Variants in CCDC83 observed in about 807,000 individuals in gnomAD.
The protein encoded by CCDC83 is coiled-coil domain containing 83, also known as coiled-coil domain-containing protein 83.
In CCDC83, 54 loss-of-function variants were observed where a neutral mutation model predicts 50.1. That is an observed-to-expected ratio of 1.08 (90% CI 0.87 to 1.35). The LOEUF is 1.35. Among genes scored for constraint, CCDC83 ranks in the 40% most tolerant of loss-of-function variants. The probability of loss-of-function intolerance (pLI) is 0.00; values close to 1 mark genes in which losing one functional copy is unlikely to be tolerated. For missense variants in CCDC83, 518 were observed against 473.9 expected, an observed-to-expected ratio of 1.09 and a Z score of -0.86; for synonymous variants, 161 against 153.3, an observed-to-expected ratio of 1.05 and a Z score of -0.37.
intron 5 of CCDC83, among the ~76,000 whole-genome samples, chr11:85,888,111 CAT>C (rs59238283): frequency 0.021 from 3,141 of 152,270 alleles, 100 homozygotes; most frequent in African/African-American, 0.07. Context: ...TATCCTTACA[CAT>C]GTCTCATTTT....
intron 3 of CCDC83, among the ~76,000 whole-genome samples, chr11:85,877,474 AAT>A (rs1566075156): frequency 6.6e-6 from 1 of 152,222 alleles, no homozygotes; most frequent in Non-Finnish European, 1.5e-5. Flanking sequence ...CTGTCTCTAA[AAT>A]GGTAAAAATT....
intron 8 of CCDC83, among the ~76,000 whole-genome samples, chr11:85,913,413 CT>C (rs2093463891): frequency 1.3e-5 from 2 of 152,200 alleles, no homozygotes; most frequent in Admixed American, 1.3e-4. Flanking sequence ...ATCTGCTAGA[CT>C]TCTTATGCAG....
chr11:85,905,514 G>A (rs1174929369), intron 7 of CCDC83, among the ~76,000 whole-genome samples: 2 of 151,708 alleles, frequency 1.3e-5, no homozygotes, highest in East Asian at 3.9e-4. Context: ...GGAGGCTGAG[G>A]TAGGAGAATT....
intron 3 of CCDC83, among the ~76,000 whole-genome samples, chr11:85,881,603 G>A (rs1201178317): frequency 2.6e-5 from 4 of 151,952 alleles, no homozygotes; most frequent in Non-Finnish European, 4.4e-5. Context: ...ATTTTTTGTA[G>A]AGACAGGGTA....
chr11:85,906,045 C>T (rs1290314131), intron 7 of CCDC83, among the ~76,000 whole-genome samples: 1 of 150,618 alleles, frequency 6.6e-6, no homozygotes, highest in Admixed American at 6.6e-5. Context: ...AAAGTATGAT[C>T]CTAATCAAAT....
chr11:85,896,418 A>C (rs889664724), intron 6 of CCDC83, among the ~76,000 whole-genome samples: 3 of 150,262 alleles, frequency 2.0e-5, no homozygotes, highest in Non-Finnish European at 2.9e-5. Context: ...AAAAAAAAAA[A>C]AAAAAAAAAC....
intron 3 of CCDC83, among the ~76,000 whole-genome samples, chr11:85,876,979 G>A (rs2093273031): frequency 1.3e-5 from 2 of 151,960 alleles, no homozygotes. Flanking sequence ...CACTTTGTAG[G>A]ATAAACATAT....
intron 7 of CCDC83, among the ~76,000 whole-genome samples, chr11:85,901,471 G>A (rs1284373630): frequency 6.6e-6 from 1 of 151,938 alleles, no homozygotes; most frequent in Non-Finnish European, 1.5e-5. Flanking sequence ...TACCCAGGAG[G>A]CTGAAGTGGG....
intron 8 of CCDC83, chr11:85,912,806 A>G (rs2093461177): frequency 2.1e-6 from 2 of 965,766 alleles, no homozygotes; most frequent in East Asian, 4.8e-5. Flanking sequence ...TGAACTGGCT[A>G]ATCTTTAGGA....
chr11:85,902,131 A>G (rs1468072440), intron 7 of CCDC83, among the ~76,000 whole-genome samples: 3 of 151,714 alleles, frequency 2.0e-5, no homozygotes, highest in Non-Finnish European at 2.9e-5. Context: ...TTTTCAGAAC[A>G]CCAAGAACAA....
At chr11:85,892,770 T>C (rs564864109) in intron 5 of CCDC83, among the ~76,000 whole-genome samples, 2 of 152,130 alleles carry the variant, frequency 1.3e-5, no homozygotes, top group Admixed American at 1.3e-4. Context: ...CTAGGGTAAA[T>C]TGAAAAAAGA....
At chr11:85,857,440 T>C (rs1366073126) in intron 1 of CCDC83, among the ~76,000 whole-genome samples, 1 of 152,142 alleles carries the variant, frequency 6.6e-6, no homozygotes. Flanking sequence ...GACATTATAC[T>C]TCAAAGACGG....
Position 85,888,694 on chromosome 11 carries a change from T to G in CCDC83, c.511+2327T>G, listed in dbSNP as rs191455064. ...CTCCAATATTTTATTCTAAAATTTT[T>G]ATGGTTTTGTTTTTATATTTAAGTC... On this transcript the variant is annotated intron_variant, in intron 5 of 10. Coordinates refer to ENST00000342404, the MANE Select transcript of CCDC83 (RefSeq NM_001286159.2). Among the ~76,000 whole-genome samples the G allele has an allele frequency of 1.1e-3, 175 of 152,332 alleles. 1 individual carries two copies. In the East Asian group the frequency reaches 0.02, roughly 17 times the overall value.
At position 85,898,903 on chromosome 11, in the gene CCDC83, T is replaced by A. The variant is rs1048058333; in HGVS notation, c.604-44T>A. On this transcript the variant is annotated intron_variant, in intron 6 of 10. Transcript: ENST00000342404. ...ACATCACTATTGCTAAAATTGTGAA[T>A]CAGCATGTGGCAACTCTTCCTTAAT... 5 of 1,306,644 alleles carry A rather than the reference T, an allele frequency of 3.8e-6. No individual in the cohort carries two copies. In the African/African-American group the frequency reaches 5.8e-5, roughly 15 times the overall value. The allele number at this position is 1,306,644 out of a possible 1,614,324, so 80.9% of individuals were successfully genotyped here. A position where few individuals can be genotyped will look rare whatever the true frequency, so the allele number is the denominator to read the frequency against.
At chr11:85,858,840 G>A (rs1045626539) in intron 1 of CCDC83, among the ~76,000 whole-genome samples, 1 of 152,162 alleles carries the variant, frequency 6.6e-6, no homozygotes, top group African/African-American at 2.4e-5. Flanking sequence ...AGGAACTGTT[G>A]TTTGAATTTT....
In CCDC83 at chr11:85,911,386, G is replaced by T; in HGVS notation, c.778G>T (p.Asp260Tyr). Reference sequence around the variant, plus strand: ...TCAACTATCCAACTGTAGACTTGTGGATCTCAAGATACCCAGGTGAAAATT... The same window carrying T: ...TCAACTATCCAACTGTAGACTTGTGTATCTCAAGATACCCAGGTGAAAATT... ...IDQLSNCRLV[D>Y]LKIPRRLYLT... Residue 260 changes from aspartate to tyrosine, a missense_variant, in exon 8 of 11, where the codon GAT becomes TAT. Asp to Tyr is a radical substitution (Grantham distance 160). Transcript: ENST00000342404. 2.5e-6 allele frequency: 4 copies of T among 1,604,318 alleles called. No homozygotes were observed. The highest frequency in any genetic ancestry group is 3.4e-6 in the Non-Finnish European group (4 of 1,176,352).
chr11:85,917,158 GAGAGAGAGAGAAA>G (rs2093482033), intron 10 of CCDC83, among the ~76,000 whole-genome samples: 2 of 66,818 alleles, frequency 3.0e-5, no homozygotes, highest in African/African-American at 1.1e-4. Flanking sequence ...GAGAGAGAGA[GAGAGAGAGAGAAA>G]GAAAGAAAGA....
chr11:85,875,205 G>A (rs933717372), intron 3 of CCDC83, among the ~76,000 whole-genome samples: 1 of 152,216 alleles, frequency 6.6e-6, no homozygotes, highest in Non-Finnish European at 1.5e-5. Context: ...GCACAATAGT[G>A]TAGAAAACCA....
At chr11:85,870,702 A>G (rs1208928838) in intron 2 of CCDC83, among the ~76,000 whole-genome samples, 11 of 152,228 alleles carry the variant, frequency 7.2e-5, no homozygotes, top group Non-Finnish European at 4.4e-5. Context: ...AGGCTGCCCT[A>G]TCTACTATAG....
Sources: allele counts gnomAD v4.1 joint callset (sites outside exome capture counted in the v4.1 genomes callset), GRCh38; gene constraint gnomAD v4.1.1; transcripts MANE v1.5; gene names NCBI Gene and HGNC (gene_info 2026-07-23, HGNC 2026-07-21).